The following RBFOX1 variants were observed in gnomAD, a reference collection of about 807,000 sequenced individuals.
RBFOX1 encodes RNA binding fox-1 homolog 1.
A neutral mutation model predicts 57.7 loss-of-function variants in RBFOX1; 8 were observed. The observed-to-expected ratio is 0.14, with a 90% confidence interval of 0.08 to 0.25. RBFOX1 has a LOEUF of 0.25. Among genes scored for constraint, RBFOX1 ranks in the 10% least tolerant of loss-of-function variants. RBFOX1 has a pLI of 1.00. For missense variants in RBFOX1, 611 were observed against 548.5 expected, an observed-to-expected ratio of 1.11 and a Z score of -1.14; for synonymous variants, 326 against 222.4, an observed-to-expected ratio of 1.47 and a Z score of -4.15.
chr16:5,646,183 T>TTG (rs2049049948), intron 3 of RBFOX1, among the ~76,000 whole-genome samples: 1 of 12,714 alleles, frequency 7.9e-5, no homozygotes, highest in South Asian at 0.038. Context: ...GCACGTGCTA[T>TTG]TTTTTTTTTT....
chr16:7,030,948 A>G lies in RBFOX1; in HGVS notation c.-15-21109A>G, dbSNP rs138661509. Among the ~76,000 whole-genome samples, 94 of 152,350 alleles carry G rather than the reference A, an allele frequency of 6.2e-4. 1 individual carries two copies. The East Asian group carries it at 0.016, about 26-fold the overall frequency. On this transcript the variant is annotated intron_variant, in intron 3 of 15. Transcript: ENST00000550418. ...GGGAATGTGGGTATTTATCTTGGAAATAAAATGATCAAGAAAGGACATGGG... is the reference window on the plus strand; with the variant it reads ...GGGAATGTGGGTATTTATCTTGGAAGTAAAATGATCAAGAAAGGACATGGG...
intron 4 of RBFOX1, among the ~76,000 whole-genome samples, chr16:7,316,012 T>C (rs1036655802): frequency 3.9e-5 from 6 of 152,218 alleles, no homozygotes; most frequent in Non-Finnish European, 8.8e-5. Flanking sequence ...TTTGTGCAAA[T>C]CTGGTGATTC....
intron 3 of RBFOX1, among the ~76,000 whole-genome samples, chr16:6,852,322 G>T (rs1473242121): frequency 2.0e-5 from 3 of 152,112 alleles, no homozygotes; most frequent in Admixed American, 2.0e-4. Flanking sequence ...GATGCTTGAG[G>T]TTGCGTGTAG....
intron 4 of RBFOX1, among the ~76,000 whole-genome samples, chr16:5,989,411 A>G (rs903778891): frequency 1.4e-4 from 22 of 152,160 alleles, no homozygotes; most frequent in African/African-American, 4.6e-4. Flanking sequence ...GAAAATATGC[A>G]GGAAGAACTT....
chr16:7,001,530 C>G (rs535251924), intron 3 of RBFOX1, among the ~76,000 whole-genome samples: 1 of 152,056 alleles, frequency 6.6e-6, no homozygotes. Flanking sequence ...GATCTCAACT[C>G]GTTGCAACCT....
intron 2 of RBFOX1, among the ~76,000 whole-genome samples, chr16:6,414,025 G>A (rs1456395819): frequency 2.6e-5 from 4 of 152,182 alleles, no homozygotes; most frequent in Admixed American, 1.3e-4. Context: ...CATAGGGATC[G>A]TTCCGCGCAA....
chr16:6,629,376 C>T (rs1007423852), intron 2 of RBFOX1, among the ~76,000 whole-genome samples: 20 of 152,298 alleles, frequency 1.3e-4, no homozygotes, highest in Admixed American at 1.1e-3. Flanking sequence ...GGATGTTTAA[C>T]GACTTTTGGC....
intron 2 of RBFOX1, among the ~76,000 whole-genome samples, chr16:5,499,762 G>A (rs2043124045): frequency 4.0e-5 from 6 of 151,812 alleles, no homozygotes. Context: ...TAGTAGAAAG[G>A]GGGTTTCACC....
At chr16:6,530,756 C>CG (rs1226264343) in intron 2 of RBFOX1, among the ~76,000 whole-genome samples, 3 of 151,296 alleles carry the variant, frequency 2.0e-5, no homozygotes, top group Non-Finnish European at 4.4e-5. Flanking sequence ...CCGTCCCTTC[C>CG]CCACCCCCAT....
intron 1 of RBFOX1, among the ~76,000 whole-genome samples, chr16:6,126,785 A>G (rs1346509056): frequency 6.6e-6 from 1 of 152,174 alleles, no homozygotes; most frequent in Non-Finnish European, 1.5e-5. Flanking sequence ...AGGGTCTACT[A>G]GAGACCAGGT....
At chr16:7,630,523 T>G (rs530620634) in intron 10 of RBFOX1, 80 bp from the exon 11 acceptor site, 2 of 1,587,330 alleles carry the variant, frequency 1.3e-6, no homozygotes, top group Admixed American at 1.7e-5. Flanking sequence ...TCTCTGCATT[T>G]CTCGGTTGCA....
intron 1 of RBFOX1, among the ~76,000 whole-genome samples, chr16:5,453,773 A>G (rs936268292): frequency 6.6e-6 from 1 of 152,198 alleles, no homozygotes; most frequent in Non-Finnish European, 1.5e-5. Context: ...AATGTTGCCT[A>G]AAAATATAAT....
At chr16:6,356,401 G>A (rs1490373267) in intron 2 of RBFOX1, among the ~76,000 whole-genome samples, 2 of 152,194 alleles carry the variant, frequency 1.3e-5, no homozygotes, top group Admixed American at 1.3e-4. Flanking sequence ...TTGTACCACA[G>A]CCCTCCAGCC....
chr16:5,439,499 G>C (rs905910942), intron 1 of RBFOX1, among the ~76,000 whole-genome samples: 2 of 152,098 alleles, frequency 1.3e-5, no homozygotes, highest in Non-Finnish European at 2.9e-5. Context: ...TGGAACTGGA[G>C]AGAACGAACA....
At chr16:6,559,688 A>G (rs1281543475) in intron 2 of RBFOX1, among the ~76,000 whole-genome samples, 5 of 152,168 alleles carry the variant, frequency 3.3e-5, no homozygotes, top group African/African-American at 4.8e-5. Flanking sequence ...ATAGGTATAT[A>G]TCTGTGTATA....
At chr16:7,227,600 G>T (rs2093224279) in intron 4 of RBFOX1, among the ~76,000 whole-genome samples, 1 of 152,180 alleles carries the variant, frequency 6.6e-6, no homozygotes, top group African/African-American at 2.4e-5. Context: ...CCGGATGCCA[G>T]CTGCACGCGC....
intron 1 of RBFOX1, among the ~76,000 whole-genome samples, chr16:6,188,726 A>T (rs1718066872): frequency 6.6e-6 from 1 of 152,210 alleles, no homozygotes; most frequent in East Asian, 1.9e-4. Flanking sequence ...AGGCGAAAAA[A>T]TGGAACACAG....
At chr16:5,822,976 C>T (rs1274466725) in intron 3 of RBFOX1, among the ~76,000 whole-genome samples, 1 of 152,226 alleles carries the variant, frequency 6.6e-6, no homozygotes, top group African/African-American at 2.4e-5. Context: ...CTTCAGAGGT[C>T]TTAGGGCACC....
chr16:7,252,380 C>T (rs1188503372), intron 4 of RBFOX1, among the ~76,000 whole-genome samples: 1 of 152,256 alleles, frequency 6.6e-6, no homozygotes, highest in Admixed American at 6.5e-5. Context: ...GTAAAGGTTA[C>T]ACATCTGGCT....
Sources: allele counts gnomAD v4.1 joint callset (sites outside exome capture counted in the v4.1 genomes callset), GRCh38; gene constraint gnomAD v4.1.1; transcripts MANE v1.5; gene names NCBI Gene and HGNC (gene_info 2026-07-23, HGNC 2026-07-21).